CCDC171: variants seen among roughly 807,000 people sequenced by gnomAD.
The protein encoded by CCDC171 is coiled-coil domain containing 171.
A neutral mutation model predicts 168.2 loss-of-function variants in CCDC171; 177 were observed. That is an observed-to-expected ratio of 1.05 (90% confidence interval 0.93 to 1.19). CCDC171 has a LOEUF of 1.19. Among genes scored for constraint, CCDC171 ranks in the 50% most tolerant of loss-of-function variants. CCDC171 has a pLI of 0.00. For synonymous variants in CCDC171, 687 were observed against 540.8 expected (o/e 1.27, Z -3.75); for missense variants, 1,991 against 1,539.0 (o/e 1.29, Z -4.91).
chr9:15,837,495 G>A (rs1190447223), intron 21 of CCDC171, among the ~76,000 whole-genome samples: 2 of 152,280 alleles, frequency 1.3e-5, no homozygotes, highest in Middle Eastern at 3.4e-3. Context: ...AAAATGCTAT[G>A]TTTTGCTATG....
At chr9:15,755,918 G>T (rs2056081305) in intron 18 of CCDC171, among the ~76,000 whole-genome samples, 1 of 152,174 alleles carries the variant, frequency 6.6e-6, no homozygotes, top group African/African-American at 2.4e-5. Context: ...ACAAAACATT[G>T]ATTTGTATAC....
intron 21 of CCDC171, among the ~76,000 whole-genome samples, chr9:15,842,069 T>C (rs2060702408): frequency 8.1e-6 from 1 of 122,814 alleles, no homozygotes; most frequent in Non-Finnish European, 1.9e-5. Flanking sequence ...TCTTTAAATG[T>C]TATCTTTTTT....
chr9:15,729,389 G>A (rs888087931), intron 15 of CCDC171, among the ~76,000 whole-genome samples: 2 of 152,024 alleles, frequency 1.3e-5, no homozygotes, highest in Admixed American at 6.6e-5. Context: ...TGAAAAATTT[G>A]CCATCTAAAT....
At chr9:15,806,891 T>A (rs1308851913) in intron 21 of CCDC171, among the ~76,000 whole-genome samples, 1 of 152,228 alleles carries the variant, frequency 6.6e-6, no homozygotes, top group Non-Finnish European at 1.5e-5. Context: ...CTTTACGTAA[T>A]CCCATGTTTC....
intron 6 of CCDC171, among the ~76,000 whole-genome samples, chr9:15,608,452 C>G (rs2043381963): frequency 6.6e-6 from 1 of 152,118 alleles, no homozygotes; most frequent in Non-Finnish European, 1.5e-5. Flanking sequence ...GTTTCTCTTC[C>G]TTTACAGCCT....
At chr9:15,800,349 T>C (rs1464617123) in intron 21 of CCDC171, among the ~76,000 whole-genome samples, 1 of 152,170 alleles carries the variant, frequency 6.6e-6, no homozygotes, top group African/African-American at 2.4e-5. Context: ...TTGATATGCA[T>C]TTCTCTGATG....
chr9:15,886,920 G>C (rs1298142515), intron 24 of CCDC171: 1 of 152,086 alleles, frequency 6.6e-6, no homozygotes, highest in Non-Finnish European at 1.5e-5. Context: ...CCATTTATAC[G>C]TAGAATTTTT....
intron 24 of CCDC171, among the ~76,000 whole-genome samples, chr9:15,879,754 G>A (rs1454165751): frequency 6.6e-6 from 1 of 151,926 alleles, no homozygotes; most frequent in Non-Finnish European, 1.5e-5. Context: ...TTGAGTTTTT[G>A]GTTATTATGA....
chr9:15,679,687 C>A (rs937949355), intron 10 of CCDC171, among the ~76,000 whole-genome samples: 1 of 152,088 alleles, frequency 6.6e-6, no homozygotes, highest in Non-Finnish European at 1.5e-5. Flanking sequence ...GTAGCTGAGA[C>A]TGCAGATGTG....
At chr9:15,562,035 C>G (rs1297231051) in intron 1 of CCDC171, among the ~76,000 whole-genome samples, 1 of 151,962 alleles carries the variant, frequency 6.6e-6, no homozygotes, top group East Asian at 1.9e-4. Context: ...TACTCTGTAG[C>G]CCAGGCTGGA....
At chr9:16,100,486 T>C in the CCDC171 span, among the ~76,000 whole-genome samples, 3 of 152,154 alleles carry the variant, frequency 2.0e-5, no homozygotes, top group African/African-American at 4.8e-5. Context: ...GAGGTATCGA[T>C]GTAATTGGCC....
intron 16 of CCDC171, among the ~76,000 whole-genome samples, chr9:15,740,544 C>G (rs960478881): frequency 6.6e-6 from 1 of 152,028 alleles, no homozygotes; most frequent in Non-Finnish European, 1.5e-5. Context: ...ATGCAGTTCT[C>G]CTACGTCAGC....
intron 18 of CCDC171, among the ~76,000 whole-genome samples, chr9:15,758,088 A>T (rs2056236300): frequency 6.6e-6 from 1 of 152,244 alleles, no homozygotes. Flanking sequence ...GAGCTGTGAG[A>T]AGAGGGCCAC....
At chr9:15,984,713 ATGATT>A (rs1311223624) in intron 3 of CCDC171, among the ~76,000 whole-genome samples, 1 of 152,122 alleles carries the variant, frequency 6.6e-6, no homozygotes, top group African/African-American at 2.4e-5. Context: ...CAAAGTTCTC[ATGATT>A]TGATATTTGA....
chr9:15,948,140 A>G (rs529594843), intron 25 of CCDC171, among the ~76,000 whole-genome samples: 102 of 151,214 alleles, frequency 6.7e-4, no homozygotes, highest in African/African-American at 2.3e-3. Flanking sequence ...CCATGTCCCT[A>G]CAAAGGACAT....
chr9:15,727,752 G>C, intron 14 of CCDC171, 117 bp from the exon 15 acceptor site: 1 of 663,890 alleles, frequency 1.5e-6, no homozygotes, highest in East Asian at 3.1e-5. Context: ...TCTGAGACTT[G>C]AGTATTGTAA....
intron 7 of CCDC171, among the ~76,000 whole-genome samples, chr9:15,628,233 T>G (rs2045337225): frequency 6.6e-6 from 1 of 151,712 alleles, no homozygotes; most frequent in Admixed American, 6.6e-5. Context: ...GGCATTGCCT[T>G]ACTCGGGAAG....
At chr9:15,944,192 C>G (rs545022848) in intron 25 of CCDC171, among the ~76,000 whole-genome samples, 1 of 152,052 alleles carries the variant, frequency 6.6e-6, no homozygotes, top group Admixed American at 6.6e-5. Context: ...TCAGCATCAT[C>G]TAGTTATTAA....
intron 24 of CCDC171, among the ~76,000 whole-genome samples, chr9:15,899,035 A>G (rs1435668649): frequency 6.6e-6 from 1 of 152,136 alleles, no homozygotes; most frequent in Admixed American, 6.6e-5. Flanking sequence ...TAAGTTTGTC[A>G]TTTCAATAAT....
Sources: gnomAD v4.1 joint callset for allele counts (sites outside exome capture counted in the v4.1 genomes callset) on GRCh38, gnomAD v4.1.1 for gene constraint, MANE v1.5 for transcripts, NCBI Gene and HGNC (gene_info 2026-07-23, HGNC 2026-07-21) for gene names.